SPTBN4: variants seen among roughly 807,000 people sequenced by gnomAD.
SPTBN4 encodes the protein spectrin beta, non-erythrocytic 4.
In SPTBN4, 96 loss-of-function variants were observed where a neutral mutation model predicts 277.8. That is an observed-to-expected ratio of 0.35 (90% CI 0.29 to 0.41). The LOEUF is 0.41. SPTBN4 is among the 10% of genes least tolerant of loss of function. SPTBN4 has a pLI of 1.00. For missense variants in SPTBN4, 3,006 were observed against 3,595.7 expected (o/e 0.84, Z 4.19); for synonymous variants, 1,481 against 1,580.3 (o/e 0.94, Z 1.49).
intron 2 of SPTBN4, among the ~76,000 whole-genome samples, chr19:40,484,187 T>C (rs1415356723): frequency 6.6e-6 from 1 of 152,184 alleles, no homozygotes; most frequent in Non-Finnish European, 1.5e-5. Context: ...CCATATTTTG[T>C]ACCCATTAAC....
At chr19:40,545,983 GAGCTTGCAGTGAGCCAAGAT>G (rs1463377495) in intron 20 of SPTBN4, among the ~76,000 whole-genome samples, 1 of 151,090 alleles carries the variant, frequency 6.6e-6, no homozygotes, top group African/African-American at 2.4e-5. Context: ...GCAGAGCTTG[GAGCTTGCAGTGAGCCAAGAT>G]AGCACCATTG....
Position 40,560,511 on chromosome 19 carries a change from CTG to C in SPTBN4, c.5915+113_5915+114del. 1 of 1,585,780 alleles carries C rather than the reference CTG, an allele frequency of 6.3e-7. No homozygotes were observed. The highest frequency in any genetic ancestry group is 1.1e-5 in the South Asian group (1 of 87,002). On this transcript the variant is annotated intron_variant, in intron 27 of 35. Coordinates refer to ENST00000598249, the MANE Select transcript of SPTBN4 (RefSeq NM_020971.3). The surrounding 1 kb of genome is among the most constrained non-coding windows in gnomAD (Gnocchi z 5.2). ...TCAATGGAATGACAACAGCCAATAT[CTG>C]TGTGGCGCCTCTGTGTGCTAGGCAC...
At chr19:40,517,425 T>C (rs920143972) in intron 15 of SPTBN4, among the ~76,000 whole-genome samples, 3 of 151,862 alleles carry the variant, frequency 2.0e-5, no homozygotes, top group Non-Finnish European at 4.4e-5. Context: ...GCCTCTTGAG[T>C]AGTGGGACTA....
Position 40,503,752 on chromosome 19 carries a change from T to C in SPTBN4, c.1363-78T>C, listed in dbSNP as rs188636287. 7,177 of 1,442,870 alleles carry C rather than the reference T, an allele frequency of 5.0e-3. 25 individuals carry two copies. Among genetic ancestry groups the C allele is most frequent in the Non-Finnish European group, 6.1e-3 (6,551 of 1,079,570 alleles). 89.4% of individuals were successfully genotyped at this position (1,442,870 alleles called of 1,614,324 possible). On this transcript the variant is annotated intron_variant, in intron 11 of 35. Transcript: ENST00000598249. ...GTCTCCAAGGTAATGGAGTGGGGAG[T>C]CCCCAGGGTCACACAGGGTCAAGGT... is the stretch of plus-strand genomic sequence containing the variant.
At chr19:40,509,454 A>G (rs1026225615) in intron 13 of SPTBN4, among the ~76,000 whole-genome samples, 1 of 152,244 alleles carries the variant, frequency 6.6e-6, no homozygotes, top group African/African-American at 2.4e-5. Context: ...CATGTTGGTC[A>G]GGCTGGTCTC....
rs1248470480 is a variant in SPTBN4 at position 40,549,362 on chromosome 19, G to A, written c.4533G>A (p.Leu1511=). ...CGTTGCAGGAGCGCCGCCGCTTGCTGCTGGCTTCCAAGGAGTTGCACCAGG... is the reference window on the plus strand; with the variant it reads ...CGTTGCAGGAGCGCCGCCGCTTGCTACTGGCTTCCAAGGAGTTGCACCAGG... The part of the protein sequence containing the change: ...LEPLQERRRL[L]LASKELHQVA... The change falls in exon 21 of 36, where the codon CTG becomes CTA. Residue 1511 remains leucine (L), a synonymous_variant. Transcript: ENST00000598249. 10 of 1,533,154 alleles carry A rather than the reference G, an allele frequency of 6.5e-6. No homozygotes were observed. Among genetic ancestry groups the A allele is most frequent in the Non-Finnish European group, 8.7e-6 (10 of 1,144,930 alleles). The allele number at this position is 1,533,154 out of a possible 1,614,324, so 95.0% of individuals were successfully genotyped here.
intron 27 of SPTBN4, among the ~76,000 whole-genome samples, chr19:40,564,458 T>C (rs1037458618): frequency 7.9e-5 from 12 of 152,258 alleles, no homozygotes; most frequent in African/African-American, 2.9e-4. Context: ...ACATGTCTAG[T>C]GGCTACTGCC....
At chr19:40,559,458 G>A (rs1030125989) in intron 26 of SPTBN4, among the ~76,000 whole-genome samples, 4 of 152,050 alleles carry the variant, frequency 2.6e-5, no homozygotes, top group African/African-American at 9.7e-5. Flanking sequence ...GATGAGCCTG[G>A]GCAACATAGT....
At chr19:40,472,832 A>C in intron 2 of SPTBN4, 42 bp downstream of exon 2, 217 of 793,036 alleles carry the variant, frequency 2.7e-4, no homozygotes, top group Middle Eastern at 4.4e-4. Context: ...AGGAGGGGGA[A>C]GGGGGAAGGG....
In SPTBN4 at chr19:40,504,148, C is replaced by CTT; in HGVS notation, c.1665+16_1665+17insTT. The CTT allele has an allele frequency of 1.5e-6, 1 of 645,766 alleles. No individual in the cohort carries two copies. The highest frequency in any genetic ancestry group is 3.2e-5 in the Admixed American group (1 of 31,224). 40.0% of individuals were successfully genotyped at this position (645,766 alleles called of 1,614,324 possible). On this transcript the variant is annotated intron_variant, in intron 12 of 35. Coordinates refer to ENST00000598249, the MANE Select transcript of SPTBN4 (RefSeq NM_020971.3). ...GGAGATGCAGGTGCCGGCGGGGGGG[C>CTT]GGGGATGCGGGTGGAGTGCCAGGAG... is the stretch of plus-strand genomic sequence containing the variant.
At chr19:40,538,949 A>G (rs2080768577) in intron 20 of SPTBN4, among the ~76,000 whole-genome samples, 2 of 152,258 alleles carry the variant, frequency 1.3e-5, no homozygotes, top group Admixed American at 6.5e-5. Flanking sequence ...ACTGAAAAGT[A>G]TAAGCCATGT....
At chr19:40,522,089 C>T (rs969104587) in intron 16 of SPTBN4, among the ~76,000 whole-genome samples, 8 of 152,220 alleles carry the variant, frequency 5.3e-5, no homozygotes, top group African/African-American at 9.6e-5. Flanking sequence ...TACAGTGGCA[C>T]GATCATGACT....
At position 40,490,119 on chromosome 19, in the gene SPTBN4, C is replaced by G; in HGVS notation, c.366C>G (p.Asn122Lys). 3 of 1,613,948 alleles carry G rather than the reference C, an allele frequency of 1.9e-6. No homozygotes were observed. The highest frequency in any genetic ancestry group is 2.5e-6 in the Non-Finnish European group (3 of 1,179,914). ...RGRMRIHSLE[N>K]VDKALQFLKE... ...GCATGCGGATCCACTCACTGGAGAA[C>G]GTGGACAAGGCGCTGCAGTTTCTGA... The change falls in exon 4 of 36, where the codon AAC (asparagine) becomes AAG (lysine). Residue 122 changes from asparagine to lysine, a missense_variant. Asn to Lys is a moderately conservative substitution (Grantham distance 94). Transcript: ENST00000598249. The surrounding 1 kb of genome is among the most constrained non-coding windows in gnomAD (Gnocchi z 4.3).
At chr19:40,477,127 A>G (rs4308056) in intron 2 of SPTBN4, among the ~76,000 whole-genome samples, 25,242 of 150,928 alleles carry the variant, frequency 0.17, 2,557 homozygotes, top group African/African-American at 0.28. Flanking sequence ...ACAACCTCCA[A>G]CTCCTGGGCT....
chr19:40,570,368 TC>T, intron 32 of SPTBN4, 67 bp from the exon 33 acceptor site: 5 of 982,454 alleles, frequency 5.1e-6, no homozygotes, highest in East Asian at 3.2e-5. Context: ...GACCCATGAC[TC>T]CCCCAAACAG....
At chr19:40,543,255 G>T (rs548291987) in intron 20 of SPTBN4, among the ~76,000 whole-genome samples, 2 of 152,042 alleles carry the variant, frequency 1.3e-5, no homozygotes, top group African/African-American at 4.8e-5. Context: ...TTGGAGACCC[G>T]CCTGGCCAAC....
Position 40,575,791 on chromosome 19 carries a change from C to T in SPTBN4, c.*222C>T, listed in dbSNP as rs972637989. On this transcript the variant is annotated 3_prime_UTR_variant, in exon 36 of 36. Coordinates refer to ENST00000598249, the MANE Select transcript of SPTBN4 (RefSeq NM_020971.3). ...TCTCGGCCCCTTCCCACTCACCACC[C>T]CCACCCCAGGTGCTGGGGGTCCCTT... The T allele has an allele frequency of 2.2e-6, 1 of 445,840 alleles. No individual in the cohort carries two copies. The highest frequency in any genetic ancestry group is 2.0e-5 in the African/African-American group (1 of 49,162). 27.6% of individuals were successfully genotyped at this position (445,840 alleles called of 1,614,324 possible).
intron 27 of SPTBN4, 60 bp from the exon 28 acceptor site, chr19:40,565,363 G>A: frequency 1.3e-6 from 2 of 1,566,186 alleles, no homozygotes; most frequent in Non-Finnish European, 1.7e-6. Context: ...GGAGCCACAT[G>A]TATGGGGCAG....
At position 40,565,442 on chromosome 19, in the gene SPTBN4, G is replaced by A; in HGVS notation, c.5935G>A (p.Val1979Met). ...DKPRDVSSVEVLMNYHQGLKT... is the reference protein window; with the variant it reads ...DKPRDVSSVEMLMNYHQGLKT... ...CTGCAGGGACGTGTCATCAGTGGAG[G>A]TGCTCATGAACTACCACCAGGGCCT... is the stretch of plus-strand genomic sequence containing the variant. Residue 1979 changes from valine (V) to methionine (M), a missense_variant, in exon 28 of 36, where the codon GTG becomes ATG. Around this residue, in one of 5 missense-constraint regions of SPTBN4, gnomAD observed 425 missense variants for 594.7 expected, o/e 0.71. Transcript: ENST00000598249. The A allele has an allele frequency of 6.2e-7, 1 of 1,613,920 alleles. No individual in the cohort carries two copies. Among genetic ancestry groups the A allele is most frequent in the Non-Finnish European group, 8.5e-7 (1 of 1,179,890 alleles).
Sources: gnomAD v4.1 joint callset for allele counts (sites outside exome capture counted in the v4.1 genomes callset) on GRCh38, gnomAD v4.1.1 for gene constraint, gnomAD v4.1.1 regional missense constraint, Gnocchi (gnomAD v3.1) non-coding constraint, MANE v1.5 for transcripts, NCBI Gene and HGNC (gene_info 2026-07-23, HGNC 2026-07-21) for gene names.